KCNQ1: variants seen among roughly 807,000 people sequenced by gnomAD.
The protein encoded by KCNQ1 is potassium voltage-gated channel subfamily Q member 1.
A neutral mutation model predicts 72.4 loss-of-function variants in KCNQ1; 49 were observed. The observed-to-expected ratio is 0.68, with a 90% CI of 0.54 to 0.86. KCNQ1 has a LOEUF of 0.86. Among genes scored for constraint, KCNQ1 ranks in the 40% least tolerant of loss-of-function variants. The probability of loss-of-function intolerance (pLI) is 0.00; values close to 1 mark genes in which losing one functional copy is unlikely to be tolerated. For missense variants in KCNQ1, 790 were observed against 945.1 expected, an observed-to-expected ratio of 0.84 and a Z score of 2.15; for synonymous variants, 450 against 412.6, an observed-to-expected ratio of 1.09 and a Z score of -1.10.
At chr11:2,622,410 T>C in intron 10 of KCNQ1, 1 of 398,394 alleles carries the variant, frequency 2.5e-6, no homozygotes, top group Non-Finnish European at 4.4e-6. Context: ...TCATTTTTCA[T>C]TCTTTCACTT....
chr11:2,597,595 T>TA (rs1848750502), intron 10 of KCNQ1, among the ~76,000 whole-genome samples: 2 of 152,172 alleles, frequency 1.3e-5, no homozygotes, highest in African/African-American at 4.8e-5. Context: ...TGGGGGCAAA[T>TA]ACAATGGTTT....
At chr11:2,841,306 C>T (rs1051951300) in intron 15 of KCNQ1, among the ~76,000 whole-genome samples, 3 of 152,220 alleles carry the variant, frequency 2.0e-5, no homozygotes, top group East Asian at 1.9e-4. Context: ...CTGGATTTTA[C>T]TCCCAGTCCA....
At chr11:2,522,038 T>TC (rs1348159519) in intron 1 of KCNQ1, among the ~76,000 whole-genome samples, 1 of 152,226 alleles carries the variant, frequency 6.6e-6, no homozygotes, top group Non-Finnish European at 1.5e-5. Flanking sequence ...TCTCCTGTGT[T>TC]CCCGGGCACC....
In KCNQ1 at chr11:2,691,754, A is replaced by AG. The variant is rs1163051939; in HGVS notation, c.1514+29676dup. On this transcript the variant is annotated intron_variant, in intron 11 of 15. Coordinates refer to ENST00000155840, the MANE Select transcript of KCNQ1 (RefSeq NM_000218.3). The surrounding 1 kb of genome is among the most constrained non-coding windows in gnomAD (Gnocchi z 6.4). The stretch of plus-strand genomic sequence containing the variant: ...CCACACAGGCAGGGGACATTCCACT[A>AG]GGGCCATTTGCAGGCCAGTGGCCAT... 5.0e-6 allele frequency: 2 copies of AG among 398,562 alleles called. No homozygotes were observed. Among genetic ancestry groups the AG allele is most frequent in the African/African-American group, 4.1e-5 (2 of 48,590 alleles). The allele number at this position is 398,562 out of a possible 1,614,324, so 24.7% of individuals were successfully genotyped here.
intron 11 of KCNQ1, among the ~76,000 whole-genome samples, chr11:2,756,868 T>C (rs1846307666): frequency 6.8e-6 from 1 of 147,558 alleles, no homozygotes; most frequent in Non-Finnish European, 1.5e-5. Flanking sequence ...AGATTTATTC[T>C]AGGTAATGCA....
chr11:2,460,586 G>A (rs1257601329), intron 1 of KCNQ1, among the ~76,000 whole-genome samples: 27 of 150,992 alleles, frequency 1.8e-4, no homozygotes, highest in Admixed American at 1.8e-3. Context: ...AGGCCTCTCA[G>A]GTACAGGGAC....
rs1851026025 is a variant in KCNQ1 at position 2,712,695 on chromosome 11, G to A, written c.1514+50614G>A. Among the ~76,000 whole-genome samples, 1 of 152,192 alleles carries A rather than the reference G, an allele frequency of 6.6e-6. No homozygotes were observed. The highest frequency in any genetic ancestry group is 6.5e-5 in the Admixed American group (1 of 15,280). ...GCTCAGGCCTACAGGAGAGCCCTGTGGACACTCCAGCCTCAGCCTTCCTTG... is the reference window on the plus strand; with the variant it reads ...GCTCAGGCCTACAGGAGAGCCCTGTAGACACTCCAGCCTCAGCCTTCCTTG... On this transcript the variant is annotated intron_variant, in intron 11 of 15. Transcript: ENST00000155840. The surrounding 1 kb of genome is among the most constrained non-coding windows in gnomAD (Gnocchi z 6.4).
rs1470236668 is a variant in KCNQ1, at chr11:2,536,213, G to A, written c.477+8195G>A. 6.6e-6 allele frequency among the ~76,000 whole-genome samples: 1 copy of A among 152,246 alleles called. No individual in the cohort carries two copies. The highest frequency in any genetic ancestry group is 6.5e-5 in the Admixed American group (1 of 15,286). On this transcript the variant is annotated intron_variant, in intron 2 of 15. Coordinates refer to ENST00000155840, the MANE Select transcript of KCNQ1 (RefSeq NM_000218.3). The surrounding 1 kb of genome is among the most constrained non-coding windows in gnomAD (Gnocchi z 7.4). ...CGCTCAGCTGGGCCGCGGCTCCACGGTGTTAAGGGATTCTAGAAATTTCCT... is the reference window on the plus strand; with the variant it reads ...CGCTCAGCTGGGCCGCGGCTCCACGATGTTAAGGGATTCTAGAAATTTCCT...
Position 2,602,785 on chromosome 11 carries a change from C to T in KCNQ1, c.1393+13931C>T, listed in dbSNP as rs890291964. Among the ~76,000 whole-genome samples, 6 of 152,060 alleles carry T rather than the reference C, an allele frequency of 3.9e-5. No individual in the cohort carries two copies. The highest frequency in any genetic ancestry group is 5.9e-5 in the Non-Finnish European group (4 of 68,020). Reference sequence around the variant, plus strand: ...CCCAATTAGACTTTTTGTTAACTGTCGAGTTTTGGGAGATGTTTATATATT... The same window carrying T: ...CCCAATTAGACTTTTTGTTAACTGTTGAGTTTTGGGAGATGTTTATATATT... On this transcript the variant is annotated intron_variant, in intron 10 of 15. Transcript: ENST00000155840. The surrounding 1 kb of genome is among the most constrained non-coding windows in gnomAD (Gnocchi z 4.8).
At chr11:2,529,505 G>A (rs886927243) in intron 2 of KCNQ1, among the ~76,000 whole-genome samples, 2 of 152,108 alleles carry the variant, frequency 1.3e-5, no homozygotes, top group East Asian at 1.9e-4. Context: ...GTTTCATTAT[G>A]TAGATTGCAG....
chr11:2,448,155 G>T (rs1846072243), intron 1 of KCNQ1, among the ~76,000 whole-genome samples: 1 of 152,242 alleles, frequency 6.6e-6, no homozygotes, highest in Admixed American at 6.5e-5. Flanking sequence ...GTGAGCCTTA[G>T]CCAGGGGTGT....
intron 15 of KCNQ1, among the ~76,000 whole-genome samples, chr11:2,778,938 C>A (rs903938956): frequency 6.6e-6 from 1 of 152,150 alleles, no homozygotes; most frequent in Non-Finnish European, 1.5e-5. Flanking sequence ...CCCCCAGGAC[C>A]TGCAGCGTCA....
At chr11:2,823,829 A>G (rs1488295013) in intron 15 of KCNQ1, among the ~76,000 whole-genome samples, 2 of 152,138 alleles carry the variant, frequency 1.3e-5, no homozygotes, top group Non-Finnish European at 2.9e-5. Context: ...CATCAAAACA[A>G]TGGGGAAGCT....
chr11:2,531,366 C>T (rs1313454492), intron 2 of KCNQ1, among the ~76,000 whole-genome samples: 1 of 152,198 alleles, frequency 6.6e-6, no homozygotes, highest in Non-Finnish European at 1.5e-5. Flanking sequence ...CCAAGGCCCC[C>T]ATGCGGCATC....
At chr11:2,846,336 T>TAAACA (rs1200043750) in intron 15 of KCNQ1, among the ~76,000 whole-genome samples, 1 of 152,184 alleles carries the variant, frequency 6.6e-6, no homozygotes, top group Non-Finnish European at 1.5e-5. Flanking sequence ...CCTTATCGCG[T>TAAACA]GCTGATCTGT....
chr11:2,503,652 G>A (rs1479824810), intron 1 of KCNQ1, among the ~76,000 whole-genome samples: 4 of 151,732 alleles, frequency 2.6e-5, no homozygotes, highest in South Asian at 2.1e-4. Context: ...TAACAAACCT[G>A]CACATTGTGC....
Position 2,447,023 on chromosome 11 carries a change from C to T in KCNQ1, c.386+1539C>T, listed in dbSNP as rs1261886659. ...GAGATGTCCAAGGGTGGGAAGACCT[C>T]CTCAGCCAGAGGCCAAGGCAAAGTG... is the stretch of plus-strand genomic sequence containing the variant. On this transcript the variant is annotated intron_variant, in intron 1 of 15. Coordinates refer to ENST00000155840, the MANE Select transcript of KCNQ1 (RefSeq NM_000218.3). This position sits in a 1 kb window ranked among gnomAD's most constrained non-coding sequence, Gnocchi z 7.6. 1.3e-5 allele frequency among the ~76,000 whole-genome samples: 2 copies of T among 152,194 alleles called. No individual in the cohort carries two copies. The highest frequency in any genetic ancestry group is 2.1e-4 in the South Asian group (1 of 4,832).
intron 1 of KCNQ1, among the ~76,000 whole-genome samples, chr11:2,490,722 CTT>C (rs1564795882): frequency 6.6e-6 from 1 of 152,166 alleles, no homozygotes; most frequent in African/African-American, 2.4e-5. Context: ...GAGTTTCACT[CTT>C]GTTGCCAAGG....
At chr11:2,701,557 C>A (rs527617465) in intron 11 of KCNQ1, among the ~76,000 whole-genome samples, 1 of 152,216 alleles carries the variant, frequency 6.6e-6, no homozygotes. Context: ...GGGTTTCACG[C>A]TATAATGTCA....
Sources: allele counts gnomAD v4.1 joint callset (sites outside exome capture counted in the v4.1 genomes callset), GRCh38; gene constraint gnomAD v4.1.1; non-coding constraint Gnocchi (gnomAD v3.1); transcripts MANE v1.5; gene names NCBI Gene and HGNC (gene_info 2026-07-23, HGNC 2026-07-21).